The following FAM174B variants were observed in gnomAD, a reference collection of about 807,000 sequenced individuals.
The protein encoded by FAM174B is family with sequence similarity 174 member B, also known as membrane protein FAM174B.
A neutral mutation model predicts 10.9 loss-of-function variants in FAM174B; 12 were observed. The observed-to-expected ratio is 1.10, with a 90% CI of 0.71 to 1.79. The LOEUF is 1.79. FAM174B is among the 40% of genes most tolerant of loss of function. FAM174B has a pLI of 0.00. For missense variants in FAM174B, 266 were observed against 233.3 expected, an observed-to-expected ratio of 1.14 and a Z score of -0.91; for synonymous variants, 132 against 115.8, an observed-to-expected ratio of 1.14 and a Z score of -0.90.
At chr15:92,630,697 ATATATTATATAATTATATATTTTT>A (rs1335719969) in intron 1 of FAM174B, among the ~76,000 whole-genome samples, 14 of 139,320 alleles carry the variant, frequency 1.0e-4, no homozygotes, top group African/African-American at 2.2e-4. Context: ...TATTTTATAT[ATATATTATATAATTATATATTTTT>A]TATATTATAT....
intron 1 of FAM174B, 55 bp from the exon 2 acceptor site, chr15:92,630,400 G>A: frequency 6.5e-7 from 1 of 1,543,596 alleles, no homozygotes. Context: ...AAGAGTCACT[G>A]GGCCCCAAGC....
At chr15:92,646,158 C>T (rs1250496975) in intron 1 of FAM174B, among the ~76,000 whole-genome samples, 2 of 152,214 alleles carry the variant, frequency 1.3e-5, no homozygotes, top group East Asian at 3.9e-4. Context: ...GCACCCCCCA[C>T]ACCAGCCACG....
chr15:92,649,935 T>C (rs1169348422), intron 1 of FAM174B, among the ~76,000 whole-genome samples: 4 of 152,222 alleles, frequency 2.6e-5, no homozygotes, highest in Non-Finnish European at 5.9e-5. Context: ...TTCCTTCAAT[T>C]CAAAGCCTTG....
At position 92,630,320 on chromosome 15, in the gene FAM174B, G is replaced by A. The variant is rs200028528; in HGVS notation, c.370C>T (p.Arg124Cys). The A allele has an allele frequency of 3.7e-5, 59 of 1,613,182 alleles. No individual in the cohort carries two copies. The highest frequency in any genetic ancestry group is 3.1e-4 in the East Asian group (14 of 44,864). Residue 124 changes from arginine (R) to cysteine (C), a missense_variant, in exon 2 of 3, where the codon CGC (arginine) becomes TGC (cysteine). Coordinates refer to ENST00000327355, the MANE Select transcript of FAM174B (RefSeq NM_207446.3). ...FRSGKRLKKT[R>C]KYDIITTPAE... ...GGAGTGGTGATGATATCATACTTGC[G>A]TGTCTTCTTTAACCTCTTTCCCGAC...
At chr15:92,637,662 G>C (rs750467024) in intron 1 of FAM174B, among the ~76,000 whole-genome samples, 8 of 152,204 alleles carry the variant, frequency 5.3e-5, no homozygotes, top group Non-Finnish European at 1.0e-4. Context: ...CACACACACA[G>C]AAGCAGAGTT....
At chr15:92,655,035 A>G (rs1248104255) in intron 1 of FAM174B, 4 of 296,172 alleles carry the variant, frequency 1.4e-5, no homozygotes, top group East Asian at 5.6e-5. Context: ...CGCTATTGTT[A>G]GTGTTCAGCA....
At chr15:92,640,465 T>C (rs557362449) in intron 1 of FAM174B, among the ~76,000 whole-genome samples, 2 of 138,228 alleles carry the variant, frequency 1.4e-5, no homozygotes, top group African/African-American at 2.7e-5. Flanking sequence ...GGCAAGAGAA[T>C]TGCTTGAGCC....
At position 92,617,473 on chromosome 15, in the gene FAM174B, A is replaced by G. The variant is rs1471484031; in HGVS notation, c.*1983T>C. ...TTTGTGTGTAAAGGGTTTTTATTGG[A>G]GAGCCTGTGGCGCTGAAGTGCCACC... On this transcript the variant is annotated 3_prime_UTR_variant, in exon 3 of 3. Coordinates refer to ENST00000327355, the MANE Select transcript of FAM174B (RefSeq NM_207446.3). 3 of 494,024 alleles carry G rather than the reference A, an allele frequency of 6.1e-6. No individual in the cohort carries two copies. Among genetic ancestry groups the G allele is most frequent in the South Asian group, 3.3e-5 (1 of 30,482 alleles). The allele number at this position is 494,024 out of a possible 1,614,324, so 30.6% of individuals were successfully genotyped here. A position where few individuals can be genotyped will look rare whatever the true frequency, so the allele number is the denominator to read the frequency against.
intron 2 of FAM174B, among the ~76,000 whole-genome samples, chr15:92,622,242 A>C (rs1331679744): frequency 6.6e-6 from 1 of 152,208 alleles, no homozygotes; most frequent in Non-Finnish European, 1.5e-5. Flanking sequence ...CCGTGTGCTT[A>C]AGAAACGCCC....
chr15:92,643,028 G>C (rs547533677), intron 1 of FAM174B, among the ~76,000 whole-genome samples: 7 of 152,294 alleles, frequency 4.6e-5, no homozygotes, highest in African/African-American at 1.4e-4. Context: ...AACTACTATG[G>C]ATTCATGGTT....
intron 2 of FAM174B, among the ~76,000 whole-genome samples, chr15:92,620,919 C>T (rs548317848): frequency 6.6e-6 from 1 of 151,996 alleles, no homozygotes; most frequent in Admixed American, 6.5e-5. Flanking sequence ...ACCATCACCT[C>T]CTGATGTTTG....
rs1214981132 is a variant in FAM174B at position 92,617,843 on chromosome 15, T to C, written c.*1613A>G. The C allele has an allele frequency of 1.4e-5, 7 of 487,396 alleles. No homozygotes were observed. Among genetic ancestry groups the C allele is most frequent in the Non-Finnish European group, 2.2e-5 (6 of 278,216 alleles). The allele number at this position is 487,396 out of a possible 1,614,324, so 30.2% of individuals were successfully genotyped here. ...AGGAAAGTCAACAAAGAAGGTGAAA[T>C]GCAGGGAGCAGAGACTACACGCAGG... On this transcript the variant is annotated 3_prime_UTR_variant, in exon 3 of 3. Transcript: ENST00000327355.
chr15:92,626,444 G>A (rs1325702014), intron 2 of FAM174B, among the ~76,000 whole-genome samples: 2 of 152,080 alleles, frequency 1.3e-5, no homozygotes, highest in Non-Finnish European at 2.9e-5. Flanking sequence ...AAAAATAACT[G>A]CAATAAACAA....
At chr15:92,637,431 C>A (rs919989837) in intron 1 of FAM174B, among the ~76,000 whole-genome samples, 1 of 152,230 alleles carries the variant, frequency 6.6e-6, no homozygotes, top group African/African-American at 2.4e-5. Flanking sequence ...CAAAGCCAGC[C>A]GGGGCCAGGT....
At chr15:92,654,997 T>C in intron 1 of FAM174B, 1 of 214,844 alleles carries the variant, frequency 4.7e-6, no homozygotes, top group Non-Finnish European at 9.1e-6. Flanking sequence ...TAAAAATAAA[T>C]TATGGGAAAC....
chr15:92,625,315 G>A (rs942310774), intron 2 of FAM174B, among the ~76,000 whole-genome samples: 3 of 152,090 alleles, frequency 2.0e-5, no homozygotes, highest in Admixed American at 1.3e-4. Flanking sequence ...GAGTTACCTG[G>A]GAAATAAGAA....
chr15:92,642,834 T>C (rs754823230), intron 1 of FAM174B, among the ~76,000 whole-genome samples: 6 of 152,176 alleles, frequency 3.9e-5, no homozygotes, highest in African/African-American at 1.4e-4. Flanking sequence ...GTATACCCAT[T>C]CGATGGAACA....
intron 2 of FAM174B, chr15:92,627,236 G>A (rs527366463): frequency 6.5e-6 from 1 of 153,530 alleles, no homozygotes; most frequent in Non-Finnish European, 1.5e-5. Context: ...AGCCAACCTG[G>A]ACTTTCAAAA....
intron 1 of FAM174B, chr15:92,655,073 A>C: frequency 2.6e-6 from 1 of 384,356 alleles, no homozygotes; most frequent in Non-Finnish European, 4.5e-6. Context: ...AATGGGAACC[A>C]CATATTTATT....
Sources: allele counts gnomAD v4.1 joint callset (sites outside exome capture counted in the v4.1 genomes callset), GRCh38; gene constraint gnomAD v4.1.1; transcripts MANE v1.5; gene names NCBI Gene and HGNC (gene_info 2026-07-23, HGNC 2026-07-21).